The following RANBP17 variants were observed in gnomAD, a reference collection of about 807,000 sequenced individuals.
The protein encoded by RANBP17 is ran-binding protein 17.
Under a neutral mutation model 141.2 loss-of-function variants are expected in RANBP17, and 158 were observed. That is an observed-to-expected ratio of 1.12 (90% CI 0.98 to 1.28). The LOEUF (loss-of-function observed/expected upper bound fraction) is 1.28, where lower values mean the gene tolerates loss of function less well. Among genes scored for constraint, RANBP17 ranks in the 50% most tolerant of loss-of-function variants. RANBP17 has a pLI of 0.00. For synonymous variants in RANBP17, 430 were observed against 450.0 expected (o/e 0.96, Z 0.56); for missense variants, 1,438 against 1,290.7 (o/e 1.11, Z -1.75).
chr5:171,060,587 G>T (rs1245519471), intron 14 of RANBP17, among the ~76,000 whole-genome samples: 2 of 152,142 alleles, frequency 1.3e-5, no homozygotes, highest in South Asian at 4.1e-4. Context: ...GAGGATTTTT[G>T]TATCAATGTT....
chr5:171,049,118 T>C (rs1782785892), intron 14 of RANBP17, among the ~76,000 whole-genome samples: 1 of 152,258 alleles, frequency 6.6e-6, no homozygotes, highest in Non-Finnish European at 1.5e-5. Context: ...GCATTCCCTT[T>C]TCTCTGCAAC....
At chr5:170,905,573 T>C (rs1447947664) in intron 5 of RANBP17, among the ~76,000 whole-genome samples, 1 of 152,148 alleles carries the variant, frequency 6.6e-6, no homozygotes, top group Non-Finnish European at 1.5e-5. Context: ...ATCACCTTCC[T>C]GAGTCCTCCA....
chr5:170,916,777 G>GCAAT (rs1772013719), intron 9 of RANBP17, among the ~76,000 whole-genome samples, 193 bp downstream of exon 9: 1 of 149,550 alleles, frequency 6.7e-6, no homozygotes, highest in African/African-American at 2.5e-5. Flanking sequence ...GTGCAGTGGT[G>GCAAT]CAATCTTGGC....
At chr5:171,248,439 G>A (rs535098194) in intron 24 of RANBP17, among the ~76,000 whole-genome samples, 14 of 151,994 alleles carry the variant, frequency 9.2e-5, no homozygotes, top group Admixed American at 2.0e-4. Flanking sequence ...CAGCCAGCTC[G>A]GCCAAGATTG....
chr5:170,934,180 G>A (rs1230552892), intron 12 of RANBP17, among the ~76,000 whole-genome samples: 1 of 152,046 alleles, frequency 6.6e-6, no homozygotes, highest in Non-Finnish European at 1.5e-5. Context: ...GCCCTTCTTT[G>A]TCTCTTTTGA....
At chr5:170,897,006 G>A in intron 5 of RANBP17, 1 of 1,114,152 alleles carries the variant, frequency 9.0e-7, no homozygotes, top group Non-Finnish European at 1.3e-6. Context: ...TGGCACTAAG[G>A]GAGCACGCCG....
chr5:171,067,914 A>G (rs1231449348), intron 14 of RANBP17, among the ~76,000 whole-genome samples: 3 of 152,094 alleles, frequency 2.0e-5, no homozygotes, highest in Admixed American at 6.5e-5. Context: ...TTATAGAGTC[A>G]TATCTTTCAG....
chr5:170,991,632 C>G (rs1311915598), intron 14 of RANBP17, among the ~76,000 whole-genome samples: 1 of 151,976 alleles, frequency 6.6e-6, no homozygotes, highest in African/African-American at 2.4e-5. Flanking sequence ...TCAACTAGCT[C>G]TCACTACCCC....
chr5:170,984,205 T>C (rs150648035), intron 14 of RANBP17, among the ~76,000 whole-genome samples: 1 of 152,318 alleles, frequency 6.6e-6, no homozygotes, highest in Non-Finnish European at 1.5e-5. Flanking sequence ...TTCAGGTCTC[T>C]ACAGACTGAC....
At chr5:171,097,346 T>C (rs17073346) in intron 14 of RANBP17, among the ~76,000 whole-genome samples, 7,994 of 152,038 alleles carry the variant, frequency 0.053, 261 homozygotes, top group East Asian at 0.12. Flanking sequence ...AAATTCTAGA[T>C]GTTAATATGT....
At chr5:171,009,685 C>T (rs1581386870) in intron 14 of RANBP17, among the ~76,000 whole-genome samples, 1 of 95,834 alleles carries the variant, frequency 1.0e-5, no homozygotes, top group East Asian at 3.9e-4. Flanking sequence ...GAATCAGGAC[C>T]TCAGAATGTA....
intron 17 of RANBP17, 39 bp downstream of exon 17, chr5:171,183,269 G>A (rs6555936): frequency 0.72 from 1,132,932 of 1,577,376 alleles, 408,715 homozygotes; most frequent in East Asian, 0.87. Context: ...AACATTTTAC[G>A]AATAGTTGAG....
At chr5:171,261,002 G>C (rs1318173787) in intron 24 of RANBP17, among the ~76,000 whole-genome samples, 2 of 150,482 alleles carry the variant, frequency 1.3e-5, no homozygotes, top group Non-Finnish European at 2.9e-5. Context: ...TGGATGTCAT[G>C]TGGTATGAAT....
At chr5:170,936,335 C>G (rs1773877285) in intron 12 of RANBP17, among the ~76,000 whole-genome samples, 1 of 152,176 alleles carries the variant, frequency 6.6e-6, no homozygotes, top group Non-Finnish European at 1.5e-5. Context: ...GTTGGAAATG[C>G]AGAAATCACC....
At chr5:170,862,915 A>G (rs1305501328) in intron 1 of RANBP17, among the ~76,000 whole-genome samples, 2 of 152,252 alleles carry the variant, frequency 1.3e-5, no homozygotes, top group Non-Finnish European at 2.9e-5. Context: ...ACAGTATCAT[A>G]GCACAGAAAA....
intron 25 of RANBP17, among the ~76,000 whole-genome samples, chr5:171,278,609 T>C (rs1767673190): frequency 6.6e-6 from 1 of 151,984 alleles, no homozygotes; most frequent in African/African-American, 2.4e-5. Flanking sequence ...CTCAGAGAAA[T>C]AGCCAGTCCT....
chr5:171,187,067 G>T (rs899466260), intron 18 of RANBP17, among the ~76,000 whole-genome samples: 1 of 151,996 alleles, frequency 6.6e-6, no homozygotes, highest in Non-Finnish European at 1.5e-5. Flanking sequence ...TTCCTTTCAC[G>T]TGAATACTTG....
chr5:171,160,104 A>T (rs535084002), intron 14 of RANBP17, among the ~76,000 whole-genome samples: 1 of 152,248 alleles, frequency 6.6e-6, no homozygotes, highest in African/African-American at 2.4e-5. Flanking sequence ...AATGAGGATG[A>T]AAGCTTTGAA....
chr5:171,182,241 G>A (rs190773801), intron 16 of RANBP17, among the ~76,000 whole-genome samples: 274 of 152,348 alleles, frequency 1.8e-3, no homozygotes, highest in African/African-American at 5.7e-3. Context: ...ATGGCCGAGA[G>A]ATGCTCTAGC....
Sources: allele counts gnomAD v4.1 joint callset (sites outside exome capture counted in the v4.1 genomes callset), GRCh38; gene constraint gnomAD v4.1.1; transcripts MANE v1.5; gene names NCBI Gene and HGNC (gene_info 2026-07-23, HGNC 2026-07-21).